Variants in FEM1C observed in about 807,000 individuals in gnomAD.
FEM1C encodes fem-1 homolog C.
Under a neutral mutation model 37.6 loss-of-function variants are expected in FEM1C, and 15 were observed. That is an observed-to-expected ratio of 0.40 (90% CI 0.27 to 0.61). The LOEUF is 0.61. Among genes scored for constraint, FEM1C ranks in the 20% least tolerant of loss-of-function variants. The pLI is 0.42. For missense variants in FEM1C, 532 were observed against 749.7 expected (o/e 0.71, Z 3.39); for synonymous variants, 287 against 272.8 (o/e 1.05, Z -0.51).
chr5:115,526,757 G>A (rs961542134), intron 2 of FEM1C, among the ~76,000 whole-genome samples: 2 of 152,150 alleles, frequency 1.3e-5, no homozygotes, highest in African/African-American at 4.8e-5. Context: ...TGCAAGGTTG[G>A]ACCTTTGGCT....
Position 115,543,285 on chromosome 5 carries a change from A to C in FEM1C, c.209T>G (p.Val70Gly), listed in dbSNP as rs756055377. 6 of 1,614,194 alleles carry C rather than the reference A, an allele frequency of 3.7e-6. No individual in the cohort carries two copies. Among genetic ancestry groups the C allele is most frequent in the Non-Finnish European group, 5.1e-6 (6 of 1,180,024 alleles). ...LLEQCSASIEVGGSVNFDGET... is the reference protein window; with the variant it reads ...LLEQCSASIEGGGSVNFDGET... Reference sequence around the variant, plus strand: ...GCCATCAAAATTGACGGAGCCCCCAACTTCTATGGAGGCACTGCATTGCTC... The same window carrying C: ...GCCATCAAAATTGACGGAGCCCCCACCTTCTATGGAGGCACTGCATTGCTC... Residue 70 changes from valine (V) to glycine (G), a missense_variant, in exon 2 of 3, where the codon GTT becomes GGT. Physicochemically the swap from Val to Gly is moderately radical, Grantham distance 109. Transcript: ENST00000274457.
At chr5:115,531,602 T>C (rs1327067158) in intron 2 of FEM1C, among the ~76,000 whole-genome samples, 2 of 152,120 alleles carry the variant, frequency 1.3e-5, no homozygotes, top group Non-Finnish European at 2.9e-5. Flanking sequence ...TTCTAGACTA[T>C]AAGGTCTCTG....
chr5:115,525,091 G>T lies in FEM1C; in HGVS notation c.1071C>A (p.Cys357Ter). 6.2e-7 allele frequency: 1 copy of T among 1,613,770 alleles called. No homozygotes were observed. Among genetic ancestry groups the T allele is most frequent in the Non-Finnish European group, 8.5e-7 (1 of 1,179,850 alleles). Reference sequence around the variant, plus strand: ...CCAAAGCATACTTCCATAGGTTGATGCATCGTTTGAAATTTCCAGAGTCTG... The same window carrying T: ...CCAAAGCATACTTCCATAGGTTGATTCATCGTTTGAAATTTCCAGAGTCTG... ...VYADSGNFKR[C>*]INLWKYALDM... Residue 357 changes from cysteine (C) to a stop codon, truncating the protein, a stop_gained, in exon 3 of 3, where the codon TGC becomes TGA. Coordinates refer to ENST00000274457, the MANE Select transcript of FEM1C (RefSeq NM_020177.3). LOFTEE classifies it high-confidence loss of function.
At chr5:115,533,016 A>C (rs922118795) in intron 2 of FEM1C, among the ~76,000 whole-genome samples, 1 of 152,070 alleles carries the variant, frequency 6.6e-6, no homozygotes, top group Non-Finnish European at 1.5e-5. Flanking sequence ...TACACTAAAA[A>C]GTATGAATTT....
chr5:115,532,827 G>A (rs1754044731), intron 2 of FEM1C, among the ~76,000 whole-genome samples: 1 of 151,974 alleles, frequency 6.6e-6, no homozygotes, highest in Non-Finnish European at 1.5e-5. Flanking sequence ...CATCTGCACT[G>A]CTTCAGAATT....
At chr5:115,532,377 A>G (rs1754034680) in intron 2 of FEM1C, among the ~76,000 whole-genome samples, 1 of 152,130 alleles carries the variant, frequency 6.6e-6, no homozygotes, top group Admixed American at 6.6e-5. Context: ...TAGCTTTTGC[A>G]GACAAAATAA....
At chr5:115,543,717 T>C in intron 1 of FEM1C, 34 bp from the exon 2 acceptor site, 2 of 1,347,430 alleles carry the variant, frequency 1.5e-6, no homozygotes, top group Non-Finnish European at 1.9e-6. Context: ...CAGCATTTAA[T>C]TTTCTATAGA....
rs1411872766 is a variant in FEM1C at position 115,543,435 on chromosome 5, G to A, written c.59C>T (p.Thr20Ile). The A allele has an allele frequency of 1.2e-6, 2 of 1,614,082 alleles. No homozygotes were observed. Among genetic ancestry groups the A allele is most frequent in the South Asian group, 1.1e-5 (1 of 91,078 alleles). Residue 20 changes from threonine (T) to isoleucine (I), a missense_variant, in exon 2 of 3, where the codon ACC becomes ATC. Thr to Ile is a moderately conservative substitution (Grantham distance 89). Coordinates refer to ENST00000274457, the MANE Select transcript of FEM1C (RefSeq NM_020177.3). ...AARDGKLRLL[T>I]KLLASKSKEE... ...TTTGGATTTGCTTGCCAACAATTTG[G>A]TGAGAAGCCGGAGTTTGCCATCCCG... is the stretch of plus-strand genomic sequence containing the variant.
chr5:115,527,817 A>G lies in FEM1C; in HGVS notation c.545-2200T>C, dbSNP rs577674812. 3.3e-5 allele frequency among the ~76,000 whole-genome samples: 5 copies of G among 152,188 alleles called. No homozygotes were observed. In the South Asian group the frequency reaches 1.0e-3, roughly 32 times the overall value. Reference sequence around the variant, plus strand: ...AGAGATCAAGACCATCTTGGCCAACATGGTAAAACCTTGTCTCTACTAAAA... The same window carrying G: ...AGAGATCAAGACCATCTTGGCCAACGTGGTAAAACCTTGTCTCTACTAAAA... On this transcript the variant is annotated intron_variant, in intron 2 of 2. Transcript: ENST00000274457.
At chr5:115,532,732 A>G (rs1754042856) in intron 2 of FEM1C, among the ~76,000 whole-genome samples, 1 of 152,078 alleles carries the variant, frequency 6.6e-6, no homozygotes. Flanking sequence ...CACAGATTCT[A>G]CATAATCCTT....
chr5:115,540,612 G>C (rs1290513173), intron 2 of FEM1C, among the ~76,000 whole-genome samples: 1 of 151,956 alleles, frequency 6.6e-6, no homozygotes, highest in Non-Finnish European at 1.5e-5. Flanking sequence ...GAGCTCAAAG[G>C]TAATCAAGTT....
Position 115,523,318 on chromosome 5 carries a change from T to C in FEM1C, c.*990A>G, listed in dbSNP as rs1753813307. On this transcript the variant is annotated 3_prime_UTR_variant, in exon 3 of 3. Transcript: ENST00000274457. ...GCAGTTCAATTACTGAGTATTTCAA[T>C]GTGACTCATTAAGCTGTGTGATGAA... The C allele has an allele frequency of 6.6e-6, 1 of 152,508 alleles. No homozygotes were observed. The highest frequency in any genetic ancestry group is 2.4e-5 in the African/African-American group (1 of 41,436). The allele number at this position is 152,508 out of a possible 1,614,324, so 9.4% of individuals were successfully genotyped here.
At chr5:115,532,649 T>C (rs1352790114) in intron 2 of FEM1C, among the ~76,000 whole-genome samples, 2 of 152,096 alleles carry the variant, frequency 1.3e-5, no homozygotes, top group African/African-American at 4.8e-5. Flanking sequence ...TATATAACTG[T>C]TTCCTGCTTT....
At chr5:115,539,643 A>G (rs1032732046) in intron 2 of FEM1C, among the ~76,000 whole-genome samples, 1 of 152,094 alleles carries the variant, frequency 6.6e-6, no homozygotes, top group Non-Finnish European at 1.5e-5. Flanking sequence ...CTAATAGAAG[A>G]AAGTACTACT....
chr5:115,525,513 G>A lies in FEM1C; in HGVS notation c.649C>T (p.Pro217Ser). 6.2e-7 allele frequency: 1 copy of A among 1,613,586 alleles called. No individual in the cohort carries two copies. Among genetic ancestry groups the A allele is most frequent in the Non-Finnish European group, 8.5e-7 (1 of 1,179,772 alleles). The change falls in exon 3 of 3, where the codon CCC becomes TCC. Residue 217 changes from proline (P) to serine (S), a missense_variant. By Grantham distance (74) the Pro-to-Ser change is moderately conservative. Coordinates refer to ENST00000274457, the MANE Select transcript of FEM1C (RefSeq NM_020177.3). ...KMEKDGYGMT[P>S]LLSASVTGHT... ...CCAGTCACACTTGCTGAGAGAAGGG[G>A]AGTCATTCCATAACCATCCTTTTCC...
Position 115,524,311 on chromosome 5 carries a change from T to A in FEM1C, c.1851A>T (p.Arg617Ser). 6.2e-7 allele frequency: 1 copy of A among 1,612,534 alleles called. No homozygotes were observed. Among genetic ancestry groups the A allele is most frequent in the Non-Finnish European group, 8.5e-7 (1 of 1,178,980 alleles). ...EKLETFVSLHR is the reference protein window; with the variant it reads ...EKLETFVSLHS Reference sequence around the variant, plus strand: ...GTGCTAAAATACAGTCAAGTTATCATCTATGAAGGGAAACAAAAGTCTCTA... The same window carrying A: ...GTGCTAAAATACAGTCAAGTTATCAACTATGAAGGGAAACAAAAGTCTCTA... Residue 617 changes from arginine to serine, a missense_variant, in exon 3 of 3, where the codon AGA becomes AGT. This residue lies in a region of FEM1C where 237 missense variants were observed against 260.5 expected (regional missense o/e 0.91). Coordinates refer to ENST00000274457, the MANE Select transcript of FEM1C (RefSeq NM_020177.3).
chr5:115,538,946 C>G (rs967122987), intron 2 of FEM1C, among the ~76,000 whole-genome samples: 3 of 152,002 alleles, frequency 2.0e-5, no homozygotes, highest in African/African-American at 7.2e-5. Flanking sequence ...CTTCTACTTT[C>G]TCCATGAAGC....
Position 115,524,287 on chromosome 5 carries a change from T to C in FEM1C, c.*21A>G. 6.2e-7 allele frequency: 1 copy of C among 1,602,996 alleles called. No homozygotes were observed. ...CTGTTACCAATTCGTGCTTTAACAGTGCTAAAATACAGTCAAGTTATCATC... is the reference window on the plus strand; with the variant it reads ...CTGTTACCAATTCGTGCTTTAACAGCGCTAAAATACAGTCAAGTTATCATC... On this transcript the variant is annotated 3_prime_UTR_variant, in exon 3 of 3. Transcript: ENST00000274457.
rs1753783672 is a variant in FEM1C at position 115,521,889 on chromosome 5, A to G, written c.*2419T>C. ...GGGACAATTTTGAGCTATTAAATTA[A>G]CTGGTTTTTCAAAACCTCCCAATGG... On this transcript the variant is annotated 3_prime_UTR_variant, in exon 3 of 3. Transcript: ENST00000274457. 1 of 151,974 alleles carries G rather than the reference A, an allele frequency of 6.6e-6. No individual in the cohort carries two copies. The highest frequency in any genetic ancestry group is 2.4e-5 in the African/African-American group (1 of 41,438). 9.4% of individuals were successfully genotyped at this position (151,974 alleles called of 1,614,324 possible).
Sources: allele counts gnomAD v4.1 joint callset (sites outside exome capture counted in the v4.1 genomes callset), GRCh38; gene constraint gnomAD v4.1.1; regional missense constraint gnomAD v4.1.1; transcripts MANE v1.5; gene names NCBI Gene and HGNC (gene_info 2026-07-23, HGNC 2026-07-21).